Variants in KCNQ3 observed in about 807,000 individuals in gnomAD.
KCNQ3 encodes potassium voltage-gated channel subfamily Q member 3, also known as potassium voltage-gated channel subfamily KQT member 3.
In KCNQ3, 30 loss-of-function variants were observed where a neutral mutation model predicts 92.5. The observed-to-expected ratio is 0.32, with a 90% CI of 0.24 to 0.44. The LOEUF is 0.44. Among genes scored for constraint, KCNQ3 ranks in the 20% least tolerant of loss-of-function variants. The pLI, the probability that KCNQ3 is intolerant of heterozygous loss-of-function variation, is 1.00. For missense variants in KCNQ3, 913 were observed against 1,140.3 expected (o/e 0.80, Z 2.87); for synonymous variants, 450 against 468.8 (o/e 0.96, Z 0.52).
chr8:132,158,549 CT>C (rs1189131707), intron 9 of KCNQ3, among the ~76,000 whole-genome samples: 2 of 152,156 alleles, frequency 1.3e-5, no homozygotes, highest in African/African-American at 4.8e-5. Context: ...CCTGCTGTGA[CT>C]GACTAGGTAA....
chr8:132,330,723 G>A (rs1353261551), intron 1 of KCNQ3, among the ~76,000 whole-genome samples: 1 of 152,194 alleles, frequency 6.6e-6, no homozygotes, highest in Non-Finnish European at 1.5e-5. Context: ...AGAAACATGT[G>A]TGGACACTTT....
intron 1 of KCNQ3, among the ~76,000 whole-genome samples, chr8:132,339,817 C>T (rs1563867704): frequency 6.6e-6 from 1 of 152,008 alleles, no homozygotes; most frequent in African/African-American, 2.4e-5. Flanking sequence ...AGCCTGGAAT[C>T]CTGGCGACAC....
intron 1 of KCNQ3, among the ~76,000 whole-genome samples, chr8:132,268,206 G>T (rs1262835759): frequency 6.6e-6 from 1 of 152,052 alleles, no homozygotes; most frequent in Admixed American, 6.6e-5. Flanking sequence ...TTTCAGATTG[G>T]CTTCTTTCAC....
chr8:132,207,914 G>C (rs1586829332), intron 1 of KCNQ3, among the ~76,000 whole-genome samples: 1 of 131,490 alleles, frequency 7.6e-6, no homozygotes, highest in East Asian at 2.2e-4. Flanking sequence ...TCCAAAATGA[G>C]AGAGATTAAA....
At chr8:132,196,441 C>T (rs1313753151) in intron 1 of KCNQ3, among the ~76,000 whole-genome samples, 1 of 152,148 alleles carries the variant, frequency 6.6e-6, no homozygotes, top group African/African-American at 2.4e-5. Context: ...CATTCTATAC[C>T]CTGGGCATTC....
At chr8:132,172,450 C>A in intron 7 of KCNQ3, 148 bp downstream of exon 7, 1 of 761,664 alleles carries the variant, frequency 1.3e-6, no homozygotes, top group Admixed American at 1.8e-5. Flanking sequence ...ACACAAGACA[C>A]ACAGACACAC....
chr8:132,178,610 A>C (rs1826647171), intron 4 of KCNQ3, among the ~76,000 whole-genome samples: 1 of 152,132 alleles, frequency 6.6e-6, no homozygotes, highest in South Asian at 2.1e-4. Flanking sequence ...GGAAGGTGGC[A>C]GAGCTGAATT....
At chr8:132,452,243 C>T (rs1821838111) in intron 1 of KCNQ3, among the ~76,000 whole-genome samples, 1 of 152,146 alleles carries the variant, frequency 6.6e-6, no homozygotes, top group Non-Finnish European at 1.5e-5. Context: ...GCAATAGCTC[C>T]ACCTTCTCTG....
intron 8 of KCNQ3, among the ~76,000 whole-genome samples, chr8:132,166,134 C>A (rs1193192911): frequency 1.3e-5 from 2 of 152,206 alleles, no homozygotes; most frequent in Admixed American, 6.5e-5. Flanking sequence ...AATTCCAGAG[C>A]TGTGCTGTCC....
intron 1 of KCNQ3, among the ~76,000 whole-genome samples, chr8:132,387,099 C>A (rs1819909121): frequency 6.6e-6 from 1 of 152,132 alleles, no homozygotes; most frequent in South Asian, 2.1e-4. Context: ...AACATTCTCT[C>A]AAATACTCAC....
Position 132,124,087 on chromosome 8 carries a change from A to C in KCNQ3, c.*5175T>G, listed in dbSNP as rs1202759383. The C allele has an allele frequency of 6.6e-6, 1 of 152,158 alleles. No homozygotes were observed. The highest frequency in any genetic ancestry group is 1.5e-5 in the Non-Finnish European group (1 of 68,016). The allele number at this position is 152,158 out of a possible 1,614,324, so 9.4% of individuals were successfully genotyped here. ...ACATCTGGTACTATATGTCCAATGG[A>C]ATTGCCACAACTCAGCCACTGAGAT... On this transcript the variant is annotated 3_prime_UTR_variant, in exon 15 of 15. Coordinates refer to ENST00000388996, the MANE Select transcript of KCNQ3 (RefSeq NM_004519.4).
chr8:132,479,989 CACA>C (rs1563925576), intron 1 of KCNQ3, among the ~76,000 whole-genome samples, 155 bp downstream of exon 1: 13 of 149,264 alleles, frequency 8.7e-5, no homozygotes, highest in East Asian at 7.8e-4. Flanking sequence ...CACACACACA[CACA>C]CCCAGGGAAA....
chr8:132,362,644 ACAC>A (rs1367347248), intron 1 of KCNQ3, among the ~76,000 whole-genome samples: 2 of 152,180 alleles, frequency 1.3e-5, no homozygotes, highest in Non-Finnish European at 2.9e-5. Context: ...AGGTACTTTG[ACAC>A]CAGAAAGTGG....
At chr8:132,169,521 A>C (rs1021084161) in intron 8 of KCNQ3, among the ~76,000 whole-genome samples, 3 of 152,236 alleles carry the variant, frequency 2.0e-5, no homozygotes, top group African/African-American at 7.2e-5. Context: ...GGGTGGCTAG[A>C]GGACTCTTCC....
At chr8:132,232,618 T>C (rs1211467174) in intron 1 of KCNQ3, among the ~76,000 whole-genome samples, 2 of 152,244 alleles carry the variant, frequency 1.3e-5, no homozygotes, top group Admixed American at 1.3e-4. Flanking sequence ...TCAACATGGC[T>C]GTACATCCTT....
At chr8:132,190,474 TGAG>T (rs1328809188) in intron 1 of KCNQ3, among the ~76,000 whole-genome samples, 1 of 152,200 alleles carries the variant, frequency 6.6e-6, no homozygotes, top group Non-Finnish European at 1.5e-5. Flanking sequence ...GGTCTTGATG[TGAG>T]CTGCTGTTTT....
chr8:132,261,871 C>T (rs1468986735), intron 1 of KCNQ3, among the ~76,000 whole-genome samples: 1 of 152,192 alleles, frequency 6.6e-6, no homozygotes, highest in Non-Finnish European at 1.5e-5. Context: ...GAGACACTCA[C>T]TTTGGGCACA....
intron 9 of KCNQ3, among the ~76,000 whole-genome samples, chr8:132,149,855 C>A (rs1266707983): frequency 6.6e-6 from 1 of 152,146 alleles, no homozygotes; most frequent in Admixed American, 6.5e-5. Flanking sequence ...GCATTCCCTG[C>A]CACGTGTCCA....
chr8:132,204,305 C>G (rs920329562), intron 1 of KCNQ3, among the ~76,000 whole-genome samples: 1 of 152,208 alleles, frequency 6.6e-6, no homozygotes, highest in Non-Finnish European at 1.5e-5. Flanking sequence ...TGGCCTAAGC[C>G]TTATTCTATG....
Sources: allele counts gnomAD v4.1 joint callset (sites outside exome capture counted in the v4.1 genomes callset), GRCh38; gene constraint gnomAD v4.1.1; transcripts MANE v1.5; gene names NCBI Gene and HGNC (gene_info 2026-07-23, HGNC 2026-07-21).